The following XXYLT1 variants were observed in gnomAD, a reference collection of about 807,000 sequenced individuals.
The protein encoded by XXYLT1 is UDP-xylose:alpha-xyloside alpha-1,3-xylosyltransferase.
A neutral mutation model predicts 28.9 loss-of-function variants in XXYLT1; 20 were observed. The ratio of observed to expected loss-of-function variants is 0.69; its 90% CI spans 0.49 to 1.00. The LOEUF (loss-of-function observed/expected upper bound fraction) is 1.00, where lower values mean the gene tolerates loss of function less well. XXYLT1 is among the 50% of genes least tolerant of loss of function. The pLI, the probability that XXYLT1 is intolerant of heterozygous loss-of-function variation, is 0.00. For synonymous variants in XXYLT1, 257 were observed against 253.8 expected, an observed-to-expected ratio of 1.01 and a Z score of -0.12; for missense variants, 542 against 560.1, an observed-to-expected ratio of 0.97 and a Z score of 0.33.
chr3:195,069,571 C>T lies in XXYLT1; in HGVS notation c.*144G>A. The T allele has an allele frequency of 4.0e-6, 5 of 1,262,198 alleles. No homozygotes were observed. Among genetic ancestry groups the T allele is most frequent in the Non-Finnish European group, 4.3e-6 (4 of 921,100 alleles). The allele number at this position is 1,262,198 out of a possible 1,614,324, so 78.2% of individuals were successfully genotyped here. A position where few individuals can be genotyped will look rare whatever the true frequency, so the allele number is the denominator to read the frequency against. On this transcript the variant is annotated 3_prime_UTR_variant, in exon 4 of 4. Transcript: ENST00000310380. The stretch of plus-strand genomic sequence containing the variant: ...CGGGTGGCCTCAGCACAGTGACCTG[C>T]CCGGCAGGAGGTCTCAGCACCTTAA...
chr3:195,185,840 CACA>C (rs1209789356), intron 2 of XXYLT1, among the ~76,000 whole-genome samples: 1 of 152,160 alleles, frequency 6.6e-6, no homozygotes, highest in East Asian at 1.9e-4. Flanking sequence ...CCTCTCCTTG[CACA>C]ACAAGACCAG....
intron 2 of XXYLT1, among the ~76,000 whole-genome samples, chr3:195,203,023 G>A (rs934358831): frequency 1.3e-5 from 2 of 152,054 alleles, no homozygotes; most frequent in African/African-American, 4.8e-5. Context: ...TGTCCAGACT[G>A]GGCTTGAACT....
intron 2 of XXYLT1, among the ~76,000 whole-genome samples, chr3:195,212,204 G>A (rs1723349727): frequency 6.6e-6 from 1 of 152,218 alleles, no homozygotes; most frequent in African/African-American, 2.4e-5. Context: ...CCAGGTGGAG[G>A]GAGCAGGAAG....
Position 195,245,579 on chromosome 3 carries a change from C to T in XXYLT1, c.505-18723G>A, listed in dbSNP as rs1037429419. ...ATTTGAGCGGCAGCTGAAGGAACTA[C>T]GGGTGTTTGCCTCACGTGGGAGTGG... On this transcript the variant is annotated intron_variant, in intron 1 of 3. Transcript: ENST00000310380. Among the ~76,000 whole-genome samples, 5 of 152,114 alleles carry T rather than the reference C, an allele frequency of 3.3e-5. No homozygotes were observed. In the South Asian group the frequency reaches 6.2e-4, roughly 19 times the overall value.
chr3:195,159,529 C>T (rs1388634721), intron 2 of XXYLT1, among the ~76,000 whole-genome samples: 1 of 152,184 alleles, frequency 6.6e-6, no homozygotes, highest in Non-Finnish European at 1.5e-5. Flanking sequence ...AACCAGGCAC[C>T]CAACACAACT....
intron 1 of XXYLT1, among the ~76,000 whole-genome samples, chr3:195,266,827 G>T (rs1344702000): frequency 6.6e-6 from 1 of 152,168 alleles, no homozygotes; most frequent in Non-Finnish European, 1.5e-5. Context: ...TGGGGCCCAG[G>T]ATTCTGTATT....
intron 3 of XXYLT1, among the ~76,000 whole-genome samples, chr3:195,131,023 C>A (rs969766186): frequency 1.3e-5 from 2 of 152,204 alleles, no homozygotes; most frequent in African/African-American, 4.8e-5. Flanking sequence ...GCAAGCAGGA[C>A]CATTCAGGTC....
At chr3:195,185,092 AGGAAG>A (rs1291595290) in intron 2 of XXYLT1, among the ~76,000 whole-genome samples, 1 of 14,574 alleles carries the variant, frequency 6.9e-5, no homozygotes, top group Non-Finnish European at 1.9e-4. Context: ...GGAAGAAGGA[AGGAAG>A]GAAGGAAGGA....
intron 3 of XXYLT1, among the ~76,000 whole-genome samples, chr3:195,136,113 T>C (rs1178550447): frequency 6.6e-6 from 1 of 152,118 alleles, no homozygotes; most frequent in African/African-American, 2.4e-5. Context: ...ACCAGGGCCG[T>C]CACCATGCTG....
intron 3 of XXYLT1, among the ~76,000 whole-genome samples, chr3:195,105,719 G>A (rs77477285): frequency 0.036 from 5,538 of 151,740 alleles, 288 homozygotes; most frequent in African/African-American, 0.13. Context: ...ACTATCAGCG[G>A]GGGCCAAGGG....
In XXYLT1 at chr3:195,257,963, C is replaced by A. The variant is rs954787714; in HGVS notation, c.504+12592G>T. Among the ~76,000 whole-genome samples, 2 of 152,178 alleles carry A rather than the reference C, an allele frequency of 1.3e-5. No homozygotes were observed. Among genetic ancestry groups the A allele is most frequent in the African/African-American group, 4.8e-5 (2 of 41,454 alleles). On this transcript the variant is annotated intron_variant, in intron 1 of 3. Coordinates refer to ENST00000310380, the MANE Select transcript of XXYLT1 (RefSeq NM_152531.5). The surrounding 1 kb of genome is among the most constrained non-coding windows in gnomAD (Gnocchi z 4.3). ...ACACCCACAATCCTCGACCCTGTGT[C>A]TTCCTACCCCCTAGACAGCAGGTGG...
In XXYLT1 at chr3:195,212,930, C is replaced by T. The variant is rs74896525; in HGVS notation, c.652+13779G>A. ...GTTGGTCAGTGCCGCGAGGGCGCTC[C>T]ACCCATGGTATGCCGCCAGACCCAC... On this transcript the variant is annotated intron_variant, in intron 2 of 3. Coordinates refer to ENST00000310380, the MANE Select transcript of XXYLT1 (RefSeq NM_152531.5). Among the ~76,000 whole-genome samples, 1,436 of 152,342 alleles carry T rather than the reference C, an allele frequency of 9.4e-3. 20 individuals carry two copies. Among genetic ancestry groups the T allele is most frequent in the African/African-American group, 0.027 (1,107 of 41,576 alleles).
At chr3:195,100,304 T>C (rs1716705220) in intron 3 of XXYLT1, among the ~76,000 whole-genome samples, 1 of 152,114 alleles carries the variant, frequency 6.6e-6, no homozygotes, top group Non-Finnish European at 1.5e-5. Flanking sequence ...TGGGGTCCTA[T>C]CTGGGAAAGT....
At chr3:195,193,421 G>A (rs1457406948) in intron 2 of XXYLT1, among the ~76,000 whole-genome samples, 1 of 152,056 alleles carries the variant, frequency 6.6e-6, no homozygotes, top group African/African-American at 2.4e-5. Context: ...TAGGTGGAGA[G>A]ACATTTCATG....
chr3:195,239,484 T>C (rs949384868), intron 1 of XXYLT1, among the ~76,000 whole-genome samples: 1 of 152,152 alleles, frequency 6.6e-6, no homozygotes, highest in Admixed American at 6.5e-5. Context: ...GAATATAAGA[T>C]GACTTCCATA....
intron 3 of XXYLT1, chr3:195,147,955 C>T (rs999987559): frequency 6.6e-6 from 1 of 152,194 alleles, no homozygotes; most frequent in African/African-American, 2.4e-5. Flanking sequence ...TGGAAGGAGT[C>T]GTGTTTTCAG....
chr3:195,143,784 T>TTATATATATATA (rs3073320), intron 3 of XXYLT1, among the ~76,000 whole-genome samples: 20 of 113,916 alleles, frequency 1.8e-4, no homozygotes, highest in Non-Finnish European at 2.7e-4. Context: ...TGTTCTCTCA[T>TTATATATATATA]TATATATATA....
intron 2 of XXYLT1, among the ~76,000 whole-genome samples, chr3:195,181,275 G>GGGGC (rs1560138836): frequency 6.8e-6 from 1 of 146,276 alleles, no homozygotes; most frequent in African/African-American, 2.8e-5. Context: ...GCGTGGCTGC[G>GGGGC]TGGCTGCGTG....
At chr3:195,079,801 A>G (rs1715325311) in intron 3 of XXYLT1, among the ~76,000 whole-genome samples, 1 of 152,148 alleles carries the variant, frequency 6.6e-6, no homozygotes, top group Non-Finnish European at 1.5e-5. Context: ...GAAGGGTTTG[A>G]GAAAGAGAGA....
Sources: allele counts gnomAD v4.1 joint callset (sites outside exome capture counted in the v4.1 genomes callset), GRCh38; gene constraint gnomAD v4.1.1; non-coding constraint Gnocchi (gnomAD v3.1); transcripts MANE v1.5; gene names NCBI Gene and HGNC (gene_info 2026-07-23, HGNC 2026-07-21).